SETD3: variants seen among roughly 807,000 people sequenced by gnomAD.
SETD3 encodes the protein actin-histidine N-methyltransferase.
Under a neutral mutation model 63.0 loss-of-function variants are expected in SETD3, and 19 were observed. That is an observed-to-expected ratio of 0.30 (90% confidence interval 0.21 to 0.44). The LOEUF (loss-of-function observed/expected upper bound fraction) is 0.44, where lower values mean the gene tolerates loss of function less well. SETD3 is among the 20% of genes least tolerant of loss of function. SETD3 has a pLI of 1.00. For synonymous variants in SETD3, 286 were observed against 264.1 expected (o/e 1.08, Z -0.80); for missense variants, 587 against 728.5 (o/e 0.81, Z 2.24).
intron 11 of SETD3, 43 bp downstream of exon 11, chr14:99,404,182 A>C (rs1044423916): frequency 2.6e-6 from 4 of 1,532,366 alleles, no homozygotes; most frequent in Non-Finnish European, 2.7e-6. Context: ...TCATGATTTA[A>C]AAAGAAAAAA....
chr14:99,458,300 G>A lies in SETD3; in HGVS notation c.654C>T (p.Ala218=), dbSNP rs746767499. 4.3e-6 allele frequency: 7 copies of A among 1,613,838 alleles called. No homozygotes were observed. The highest frequency in any genetic ancestry group is 1.3e-5 in the African/African-American group (1 of 74,902). Reference sequence around the variant, plus strand: ...TCACCTGGATGACTTTATAGAAGTAGGCGTACTGTCGAGCTGTGTTTTTAT... The same window carrying A: ...TCACCTGGATGACTTTATAGAAGTAAGCGTACTGTCGAGCTGTGTTTTTAT... ...SQYKNTARQY[A]YFYKVIQTHP... Residue 218 remains alanine, a synonymous_variant, in exon 6 of 13, where the codon GCC becomes GCT. Transcript: ENST00000331768.
At chr14:99,421,619 G>C (rs1892600591) in intron 6 of SETD3, among the ~76,000 whole-genome samples, 1 of 152,116 alleles carries the variant, frequency 6.6e-6, no homozygotes, top group Non-Finnish European at 1.5e-5. Context: ...GGGAGAGGGA[G>C]ACAGACACTA....
chr14:99,441,060 G>C (rs766411793), intron 6 of SETD3, among the ~76,000 whole-genome samples: 1 of 152,200 alleles, frequency 6.6e-6, no homozygotes, highest in East Asian at 1.9e-4. Context: ...AGCTGCTGTA[G>C]ACTCCTCTCA....
chr14:99,468,598 C>G (rs2139803370), intron 1 of SETD3, among the ~76,000 whole-genome samples: 1 of 152,210 alleles, frequency 6.6e-6, no homozygotes, highest in Non-Finnish European at 1.5e-5. Context: ...ACCAAGGGCT[C>G]CCAGTCCCTC....
chr14:99,431,258 T>C (rs781251330), intron 6 of SETD3, among the ~76,000 whole-genome samples: 3 of 152,204 alleles, frequency 2.0e-5, no homozygotes, highest in Non-Finnish European at 4.4e-5. Flanking sequence ...ATACTTCTCA[T>C]CCAATCTTTC....
At chr14:99,419,442 T>A (rs574144164) in intron 6 of SETD3, among the ~76,000 whole-genome samples, 1 of 152,324 alleles carries the variant, frequency 6.6e-6, no homozygotes, top group Non-Finnish European at 1.5e-5. Context: ...TAAATTTAAT[T>A]AAAATTTGTT....
chr14:99,428,457 C>A (rs1225849685), intron 6 of SETD3, among the ~76,000 whole-genome samples: 1 of 152,088 alleles, frequency 6.6e-6, no homozygotes, highest in Non-Finnish European at 1.5e-5. Flanking sequence ...TCAGCCTGGG[C>A]AGCAGGGCAA....
chr14:99,472,214 T>C (rs1895739922), intron 1 of SETD3, among the ~76,000 whole-genome samples: 1 of 152,196 alleles, frequency 6.6e-6, no homozygotes, highest in Admixed American at 6.5e-5. Context: ...GCAGCATGGA[T>C]AATTCCTAAA....
At chr14:99,403,452 C>T (rs1296794804) in intron 11 of SETD3, among the ~76,000 whole-genome samples, 1 of 108,930 alleles carries the variant, frequency 9.2e-6, no homozygotes, top group Non-Finnish European at 1.8e-5. Flanking sequence ...CACACACACA[C>T]ACACTCTCTC....
intron 6 of SETD3, among the ~76,000 whole-genome samples, chr14:99,415,183 C>CA (rs1313991402): frequency 1.3e-5 from 2 of 152,124 alleles, no homozygotes; most frequent in East Asian, 3.8e-4. Flanking sequence ...GCACATCCTG[C>CA]CTGTTTTCAT....
chr14:99,428,725 T>C (rs1893017263), intron 6 of SETD3, among the ~76,000 whole-genome samples: 1 of 152,160 alleles, frequency 6.6e-6, no homozygotes, highest in South Asian at 2.1e-4. Flanking sequence ...TTTGAGAATC[T>C]GATAAAATCT....
intron 6 of SETD3, among the ~76,000 whole-genome samples, chr14:99,444,701 A>G (rs904136234): frequency 6.6e-6 from 1 of 152,148 alleles, no homozygotes; most frequent in African/African-American, 2.4e-5. Context: ...TCTACAAAAA[A>G]ATATAAAAAT....
upstream of SETD3, among the ~76,000 whole-genome samples, chr14:99,483,227 C>T (rs1296889294): frequency 1.3e-5 from 2 of 151,866 alleles, no homozygotes; most frequent in African/African-American, 4.8e-5. Flanking sequence ...GAGCTGATTC[C>T]CTGAAGCCAG....
chr14:99,471,190 A>G (rs1333798378), intron 1 of SETD3, among the ~76,000 whole-genome samples: 4 of 152,234 alleles, frequency 2.6e-5, no homozygotes, highest in African/African-American at 9.6e-5. Flanking sequence ...ATAGGATCTA[A>G]TATAGTGTCA....
intron 6 of SETD3, among the ~76,000 whole-genome samples, chr14:99,443,059 T>C (rs1259446213): frequency 6.6e-6 from 1 of 152,158 alleles, no homozygotes; most frequent in Non-Finnish European, 1.5e-5. Flanking sequence ...TAGGGAGAGT[T>C]ACATACCTGT....
intron 2 of SETD3, 90 bp from the exon 3 acceptor site, chr14:99,463,668 T>C (rs1014879826): frequency 8.5e-6 from 9 of 1,053,450 alleles, no homozygotes; most frequent in Non-Finnish European, 1.4e-6. Context: ...GACTTTGTTG[T>C]TGCTGTTCTG....
upstream of SETD3, among the ~76,000 whole-genome samples, chr14:99,482,515 A>G (rs3918040): frequency 3.4e-3 from 525 of 152,344 alleles, 5 homozygotes; most frequent in African/African-American, 0.012. Context: ...TACCTGTTAA[A>G]TAATCTTGAC....
intron 6 of SETD3, among the ~76,000 whole-genome samples, chr14:99,454,190 G>T (rs935144706): frequency 6.6e-6 from 1 of 152,034 alleles, no homozygotes; most frequent in African/African-American, 2.4e-5. Context: ...AATCTTGGGA[G>T]CAAATGCTTT....
intron 2 of SETD3, among the ~76,000 whole-genome samples, chr14:99,464,453 C>T (rs1895254561): frequency 6.6e-6 from 1 of 152,226 alleles, no homozygotes; most frequent in Non-Finnish European, 1.5e-5. Flanking sequence ...TCACTGAGGC[C>T]TGGAACAGGC....
Sources: allele counts gnomAD v4.1 joint callset (sites outside exome capture counted in the v4.1 genomes callset), GRCh38; gene constraint gnomAD v4.1.1; transcripts MANE v1.5; gene names NCBI Gene and HGNC (gene_info 2026-07-23, HGNC 2026-07-21).